MPDZ: variants seen among roughly 807,000 people sequenced by gnomAD.
The protein encoded by MPDZ is multiple PDZ domain protein.
In MPDZ, 234 loss-of-function variants were observed where a neutral mutation model predicts 239.1. The observed-to-expected ratio is 0.98, with a 90% CI of 0.88 to 1.09. The LOEUF is 1.09. Among genes scored for constraint, MPDZ ranks in the 50% least tolerant of loss-of-function variants. The pLI is 0.00. For synonymous variants in MPDZ, 1,048 were observed against 881.3 expected, an observed-to-expected ratio of 1.19 and a Z score of -3.35; for missense variants, 3,175 against 2,510.0, an observed-to-expected ratio of 1.26 and a Z score of -5.66.
Position 13,262,642 on chromosome 9 carries a change from C to G in MPDZ, c.-57-12270G>C, listed in dbSNP as rs1446091345. On this transcript the variant is annotated intron_variant, in intron 1 of 46. Coordinates refer to ENST00000319217, the MANE Select transcript of MPDZ (RefSeq NM_001378778.1). ...AAAAGATGAACAAAAAATACTCTAGCAATCTAAAAGAGGTTAGGAATGAGA... is the reference window on the plus strand; with the variant it reads ...AAAAGATGAACAAAAAATACTCTAGGAATCTAAAAGAGGTTAGGAATGAGA... Among the ~76,000 whole-genome samples, 4 of 150,590 alleles carry G rather than the reference C, an allele frequency of 2.7e-5. No individual in the cohort carries two copies. The East Asian group carries it at 5.8e-4, about 22-fold the overall frequency.
intron 24 of MPDZ, among the ~76,000 whole-genome samples, chr9:13,155,895 G>C (rs1431320475): frequency 6.6e-6 from 1 of 152,086 alleles, no homozygotes; most frequent in Non-Finnish European, 1.5e-5. Flanking sequence ...CTTCTTAGAA[G>C]GATTTATGGA....
chr9:13,249,104 TCACACACACA>T lies in MPDZ; in HGVS notation c.16+1186_16+1195del, dbSNP rs199752806. On this transcript the variant is annotated intron_variant, in intron 2 of 46. Coordinates refer to ENST00000319217, the MANE Select transcript of MPDZ (RefSeq NM_001378778.1). ...ATATGAACTGATGTTGATCATGGGT[TCACACACACA>T]CACACACACACACACACACACACAA... Among the ~76,000 whole-genome samples, 431 of 145,900 alleles carry T rather than the reference TCACACACACA, an allele frequency of 3.0e-3. 1 individual carries two copies. Among genetic ancestry groups the T allele is most frequent in the African/African-American group, 3.9e-3 (153 of 39,640 alleles).
chr9:13,238,457 G>T (rs1964623628), intron 3 of MPDZ, among the ~76,000 whole-genome samples: 1 of 152,164 alleles, frequency 6.6e-6, no homozygotes, highest in African/African-American at 2.4e-5. Context: ...ATATGCTGCA[G>T]TCGGCTGCCT....
intron 11 of MPDZ, among the ~76,000 whole-genome samples, chr9:13,205,323 G>A: frequency 6.6e-6 from 1 of 152,100 alleles, no homozygotes; most frequent in South Asian, 2.1e-4. Context: ...AGTGCAATAT[G>A]TATAAATGGC....
chr9:13,201,562 G>C (rs1956393216), intron 12 of MPDZ, among the ~76,000 whole-genome samples: 1 of 151,888 alleles, frequency 6.6e-6, no homozygotes, highest in African/African-American at 2.4e-5. Context: ...ACAGAGGTTA[G>C]TTCACTTGAT....
At chr9:13,254,582 AC>A (rs763277537) in intron 1 of MPDZ, among the ~76,000 whole-genome samples, 9 of 152,294 alleles carry the variant, frequency 5.9e-5, no homozygotes, top group East Asian at 3.9e-4. Flanking sequence ...TGGAAAAAAA[AC>A]ATGGTACAAG....
At chr9:13,216,918 C>A in intron 9 of MPDZ, 56 bp from the exon 10 acceptor site, 1 of 1,335,706 alleles carries the variant, frequency 7.5e-7, no homozygotes, top group South Asian at 1.2e-5. Flanking sequence ...CAAAGAATAT[C>A]CATCTTCGAT....
intron 1 of MPDZ, among the ~76,000 whole-genome samples, chr9:13,254,703 T>C (rs1033663146): frequency 6.6e-6 from 1 of 152,198 alleles, no homozygotes; most frequent in African/African-American, 2.4e-5. Context: ...AAAAGTCATG[T>C]TTACACTACA....
At chr9:13,249,528 C>G (rs1244800093) in intron 2 of MPDZ, among the ~76,000 whole-genome samples, 1 of 152,124 alleles carries the variant, frequency 6.6e-6, no homozygotes, top group Non-Finnish European at 1.5e-5. Flanking sequence ...AAGTCCTTCT[C>G]CCGTTACTGT....
At chr9:13,176,449 T>A (rs997013884) in intron 19 of MPDZ, 32 bp from the exon 20 acceptor site, 13 of 1,481,112 alleles carry the variant, frequency 8.8e-6, no homozygotes, top group Non-Finnish European at 1.2e-5. Context: ...CAACAAAACA[T>A]GAAAAATGTG....
chr9:13,251,602 C>G (rs1968033644), intron 1 of MPDZ, among the ~76,000 whole-genome samples: 2 of 152,156 alleles, frequency 1.3e-5, no homozygotes, highest in African/African-American at 4.8e-5. Context: ...CATTTTTCAT[C>G]TGGAAGCAAA....
In MPDZ at chr9:13,136,325, C is replaced by CTTTTTTTTTTT. The variant is rs869272418; in HGVS notation, c.4293-154_4293-144dup. The CTTTTTTTTTTT allele has an allele frequency of 3.3e-3, 510 of 156,636 alleles. 31 individuals carry two copies. The highest frequency in any genetic ancestry group is 8.6e-3 in the African/African-American group (139 of 16,164). The allele number at this position is 156,636 out of a possible 1,614,324, so 9.7% of individuals were successfully genotyped here. A position where few individuals can be genotyped will look rare whatever the true frequency, so the allele number is the denominator to read the frequency against. ...ACACTTACAAATTTACAAACGTTTT[C>CTTTTTTTTTTT]TTTTTTTTTTTTTTTTTTTTTTTTG... is the stretch of plus-strand genomic sequence containing the variant. On this transcript the variant is annotated intron_variant, in intron 30 of 46. Transcript: ENST00000319217.
chr9:13,160,859 T>TATAA (rs1292947484), intron 23 of MPDZ, among the ~76,000 whole-genome samples: 1 of 120,928 alleles, frequency 8.3e-6, no homozygotes, highest in African/African-American at 3.1e-5. Flanking sequence ...TATATATATA[T>TATAA]ATATATATAT....
chr9:13,243,251 T>A lies in MPDZ; in HGVS notation c.183+4384A>T, dbSNP rs116120365. 4.8e-3 allele frequency among the ~76,000 whole-genome samples: 731 copies of A among 152,274 alleles called. 4 individuals carry two copies. The highest frequency in any genetic ancestry group is 0.016 in the African/African-American group (648 of 41,566). ...TTTTAGATGTTCAACAAAGCTTGAT[T>A]ATTAAATGAATATAAGAATATGAGC... On this transcript the variant is annotated intron_variant, in intron 3 of 46. Coordinates refer to ENST00000319217, the MANE Select transcript of MPDZ (RefSeq NM_001378778.1).
intron 3 of MPDZ, among the ~76,000 whole-genome samples, chr9:13,239,368 T>C (rs1302279626): frequency 6.6e-6 from 1 of 152,174 alleles, no homozygotes; most frequent in Non-Finnish European, 1.5e-5. Context: ...TATAACCCCA[T>C]TTCCCTATCT....
intron 21 of MPDZ, 100 bp from the exon 22 acceptor site, chr9:13,168,664 C>T (rs1233560001): frequency 5.5e-5 from 51 of 930,874 alleles, no homozygotes; most frequent in South Asian, 2.0e-5. Context: ...TTAAAAAATA[C>T]AAGTAACATT....
At chr9:13,215,966 T>C (rs1331895035) in intron 10 of MPDZ, among the ~76,000 whole-genome samples, 2 of 148,068 alleles carry the variant, frequency 1.4e-5, no homozygotes, top group African/African-American at 5.0e-5. Context: ...TTTTTTTTTT[T>C]TTTAGAGATA....
At chr9:13,268,298 G>C (rs1331459982) in intron 1 of MPDZ, among the ~76,000 whole-genome samples, 1 of 151,950 alleles carries the variant, frequency 6.6e-6, no homozygotes, top group African/African-American at 2.4e-5. Flanking sequence ...GGAAGATTTA[G>C]CATGTGTATA....
intron 17 of MPDZ, 77 bp from the exon 18 acceptor site, chr9:13,186,463 G>A: frequency 2.9e-6 from 3 of 1,045,794 alleles, no homozygotes; most frequent in Non-Finnish European, 4.3e-6. Flanking sequence ...AAGAGTAAAG[G>A]TAGGAAAAGT....
Sources: gnomAD v4.1 joint callset for allele counts (sites outside exome capture counted in the v4.1 genomes callset) on GRCh38, gnomAD v4.1.1 for gene constraint, MANE v1.5 for transcripts, NCBI Gene and HGNC (gene_info 2026-07-23, HGNC 2026-07-21) for gene names.